DOCK3: variants seen among roughly 807,000 people sequenced by gnomAD.
DOCK3 encodes the protein dedicator of cytokinesis 3, also known as dedicator of cytokinesis protein 3.
Under a neutral mutation model 265.6 loss-of-function variants are expected in DOCK3, and 60 were observed. The observed-to-expected ratio is 0.23, with a 90% confidence interval of 0.18 to 0.28. The LOEUF (loss-of-function observed/expected upper bound fraction) is 0.28, where lower values mean the gene tolerates loss of function less well. Among genes scored for constraint, DOCK3 ranks in the 10% least tolerant of loss-of-function variants. DOCK3 has a pLI of 1.00. For missense variants in DOCK3, 1,981 were observed against 2,594.3 expected (o/e 0.76, Z 5.14); for synonymous variants, 881 against 938.0 (o/e 0.94, Z 1.11).
At position 50,973,131 on chromosome 3, in the gene DOCK3, C is replaced by CT. The variant is rs547640519; in HGVS notation, c.315+39065dup. 1.3e-3 allele frequency among the ~76,000 whole-genome samples: 73 copies of CT among 54,534 alleles called. No homozygotes were observed. In the South Asian group the frequency reaches 0.034, roughly 25 times the overall value. 35.8% of individuals were successfully genotyped at this position (54,534 alleles called of 152,430 possible). A position where few individuals can be genotyped will look rare whatever the true frequency, so the allele number is the denominator to read the frequency against. On this transcript the variant is annotated intron_variant, in intron 5 of 52. Coordinates refer to ENST00000266037, the MANE Select transcript of DOCK3 (RefSeq NM_004947.5). ...ATTTCTTTTTTTTTTTTGTAGTTTT[C>CT]TTTTTTTTTTTCTTTTATTATTATA...
intron 1 of DOCK3, chr3:50,719,361 A>C (rs940877996): frequency 8.1e-6 from 3 of 372,356 alleles, no homozygotes; most frequent in Non-Finnish European, 1.5e-5. Context: ...TATGGAACCC[A>C]AAGACCTGCA....
chr3:51,080,038 G>C (rs191970568), intron 7 of DOCK3, among the ~76,000 whole-genome samples: 17 of 152,284 alleles, frequency 1.1e-4, no homozygotes, highest in Middle Eastern at 3.4e-3. Context: ...CAGTCAATTA[G>C]ATTATTTACT....
intron 5 of DOCK3, among the ~76,000 whole-genome samples, chr3:51,016,825 AAT>A (rs143248702): frequency 0.61 from 7,748 of 12,718 alleles, 3,604 homozygotes; most frequent in Non-Finnish European, 0.72. Flanking sequence ...ATCATATATA[AAT>A]ATATATGATA....
At chr3:51,365,074 G>A (rs2110401891) in intron 49 of DOCK3, among the ~76,000 whole-genome samples, 1 of 152,310 alleles carries the variant, frequency 6.6e-6, no homozygotes, top group Admixed American at 6.5e-5. Context: ...TACCTTGGCA[G>A]TATGGCCATT....
intron 12 of DOCK3, among the ~76,000 whole-genome samples, chr3:51,162,357 C>T (rs1217997310): frequency 6.6e-6 from 1 of 152,144 alleles, no homozygotes; most frequent in African/African-American, 2.4e-5. Context: ...AAGCTTTGTT[C>T]CTTTCAGAGT....
At chr3:51,239,953 AT>A (rs2078534383) in intron 21 of DOCK3, among the ~76,000 whole-genome samples, 1 of 151,898 alleles carries the variant, frequency 6.6e-6, no homozygotes, top group African/African-American at 2.4e-5. Flanking sequence ...CTTTGGTTCA[AT>A]TCTGATTTTG....
chr3:51,012,018 C>G (rs9681573), intron 5 of DOCK3, among the ~76,000 whole-genome samples: 137,199 of 152,188 alleles, frequency 0.9, 62,038 homozygotes, highest in African/African-American at 0.95. Flanking sequence ...GCCGTGTGAG[C>G]TGTCAGTCTG....
In DOCK3 at chr3:51,160,629, C is replaced by G. The variant is rs1355181134; in HGVS notation, c.964C>G (p.Leu322Val). The change falls in exon 12 of 53, where the codon CTA becomes GTA. Residue 322 changes from leucine to valine, a missense_variant. Leu to Val is a conservative substitution (Grantham distance 32, BLOSUM62 1). Coordinates refer to ENST00000266037, the MANE Select transcript of DOCK3 (RefSeq NM_004947.5). ...HYRRPYGCAV[L>V]SILDVLQSLT... ...CAGGCGACCATATGGCTGTGCGGTCCTAAGCATCTTGGATGTCCTACAGTC... is the reference window on the plus strand; with the variant it reads ...CAGGCGACCATATGGCTGTGCGGTCGTAAGCATCTTGGATGTCCTACAGTC... The G allele has an allele frequency of 6.2e-7, 1 of 1,613,164 alleles. No individual in the cohort carries two copies. The highest frequency in any genetic ancestry group is 2.2e-5 in the East Asian group (1 of 44,860).
In DOCK3 at chr3:50,785,753, G is replaced by T. The variant is rs537679288; in HGVS notation, c.121+6995G>T. Among the ~76,000 whole-genome samples the T allele has an allele frequency of 1.1e-4, 16 of 152,252 alleles. No individual in the cohort carries two copies. In the East Asian group the frequency reaches 3.1e-3, roughly 29 times the overall value. On this transcript the variant is annotated intron_variant, in intron 2 of 52. Transcript: ENST00000266037. ...GATTTTTACATCTATGTTCATCAAGGATATTGATGTGTAGTTTTCTTTTTT... is the reference window on the plus strand; with the variant it reads ...GATTTTTACATCTATGTTCATCAAGTATATTGATGTGTAGTTTTCTTTTTT...
intron 2 of DOCK3, among the ~76,000 whole-genome samples, chr3:50,816,198 T>C (rs2044064865): frequency 6.6e-6 from 1 of 152,176 alleles, no homozygotes; most frequent in Non-Finnish European, 1.5e-5. Flanking sequence ...TGTACTATTT[T>C]TCCCCTTATT....
chr3:50,732,153 ACACCACATATATATT>A (rs2038256338), intron 1 of DOCK3, among the ~76,000 whole-genome samples: 1 of 152,166 alleles, frequency 6.6e-6, no homozygotes, highest in Non-Finnish European at 1.5e-5. Flanking sequence ...AGAAAACCAA[ACACCACATATATATT>A]CACCACATAT....
intron 38 of DOCK3, among the ~76,000 whole-genome samples, chr3:51,344,750 A>G (rs1218101996): frequency 1.3e-5 from 2 of 152,174 alleles, no homozygotes; most frequent in Non-Finnish European, 2.9e-5. Flanking sequence ...GTGGATGGGG[A>G]TGCATTGCGC....
rs2078349614 is a variant in DOCK3 at position 51,236,354 on chromosome 3, G to T, written c.1927G>T (p.Asp643Tyr). ...SGEEIVKFLQ[D>Y]ILDTLFVILD... The stretch of plus-strand genomic sequence containing the variant: ...TTTTATGTTGTTTTAGTTTCTGCAG[G>T]ACATCTTAGATACACTCTTTGTGAT... Residue 643 changes from aspartate (D) to tyrosine (Y), a missense_variant, in exon 20 of 53, where the codon GAC (aspartate) becomes TAC (tyrosine). By Grantham distance (160) the Asp-to-Tyr change is radical (BLOSUM62 -3). Transcript: ENST00000266037. 1 of 1,613,438 alleles carries T rather than the reference G, an allele frequency of 6.2e-7. No homozygotes were observed. Among genetic ancestry groups the T allele is most frequent in the Non-Finnish European group, 8.5e-7 (1 of 1,179,556 alleles).
intron 5 of DOCK3, among the ~76,000 whole-genome samples, chr3:50,934,306 A>G (rs1259851293): frequency 2.6e-5 from 4 of 152,208 alleles, no homozygotes; most frequent in African/African-American, 9.6e-5. Context: ...AATATGTTAC[A>G]TAACACCAGG....
At chr3:51,299,645 T>C (rs180830937) in intron 27 of DOCK3, among the ~76,000 whole-genome samples, 1 of 152,324 alleles carries the variant, frequency 6.6e-6, no homozygotes, top group Admixed American at 6.5e-5. Flanking sequence ...GGCTAGCCAG[T>C]TTACCCAGCA....
intron 2 of DOCK3, among the ~76,000 whole-genome samples, chr3:50,827,879 C>T (rs976597029): frequency 1.3e-5 from 2 of 151,844 alleles, no homozygotes; most frequent in Admixed American, 1.3e-4. Flanking sequence ...TTAGGCTCCT[C>T]TATTAGCTTG....
At chr3:51,040,344 T>G (rs1040102832) in intron 5 of DOCK3, among the ~76,000 whole-genome samples, 2 of 152,136 alleles carry the variant, frequency 1.3e-5, no homozygotes, top group Non-Finnish European at 2.9e-5. Context: ...AATATTGCAA[T>G]AAAGCAAGTC....
rs182091387 is a variant in DOCK3, at chr3:51,374,476, C to T, written c.5301C>T (p.Pro1767=). Residue 1767 remains proline, a synonymous_variant, in exon 50 of 53, where the codon CCC becomes CCT. Coordinates refer to ENST00000266037, the MANE Select transcript of DOCK3 (RefSeq NM_004947.5). The surrounding 1 kb of genome is among the most constrained non-coding windows in gnomAD (Gnocchi z 4.8). ...GTTCTCACTTGGTTACAGGCTCTCCCTCTCTGCCAGATAAGTACCGCCATG... is the reference window on the plus strand; with the variant it reads ...GTTCTCACTTGGTTACAGGCTCTCCTTCTCTGCCAGATAAGTACCGCCATG... ...TSAPSSARGS[P]SLPDKYRHAR... is the part of the protein sequence containing the mutation. 3.8e-3 allele frequency: 6,176 copies of T among 1,612,970 alleles called. 16 individuals carry two copies. The highest frequency in any genetic ancestry group is 4.4e-3 in the Non-Finnish European group (5,235 of 1,179,508).
At chr3:51,000,451 G>C (rs948668037) in intron 5 of DOCK3, among the ~76,000 whole-genome samples, 2 of 152,192 alleles carry the variant, frequency 1.3e-5, no homozygotes, top group Non-Finnish European at 2.9e-5. Context: ...TGCTACCACT[G>C]CTTTAAGACT....
Sources: allele counts gnomAD v4.1 joint callset (sites outside exome capture counted in the v4.1 genomes callset), GRCh38; gene constraint gnomAD v4.1.1; non-coding constraint Gnocchi (gnomAD v3.1); transcripts MANE v1.5; gene names NCBI Gene and HGNC (gene_info 2026-07-23, HGNC 2026-07-21).